Variants in EML5 observed in about 807,000 individuals in gnomAD.
EML5 encodes EMAP like 5.
A neutral mutation model predicts 250.0 loss-of-function variants in EML5; 120 were observed. The observed-to-expected ratio is 0.48, with a 90% CI of 0.41 to 0.56. The LOEUF (loss-of-function observed/expected upper bound fraction) is 0.56. Ranked by LOEUF, EML5 falls within the 20% of genes least tolerant of loss-of-function variation. The pLI, the probability that EML5 is intolerant of heterozygous loss-of-function variation, is 0.00. For missense variants in EML5, 2,006 were observed against 2,437.6 expected (o/e 0.82, Z 3.73); for synonymous variants, 771 against 806.5 (o/e 0.96, Z 0.75).
chr14:88,739,420 C>G (rs960264452), intron 5 of EML5, among the ~76,000 whole-genome samples: 28 of 151,856 alleles, frequency 1.8e-4, no homozygotes, highest in East Asian at 1.5e-3. Context: ...CCAATCCCCC[C>G]CAAAATATCA....
intron 28 of EML5, among the ~76,000 whole-genome samples, chr14:88,648,690 A>T (rs117420114): frequency 0.012 from 1,821 of 151,774 alleles, 9 homozygotes; most frequent in Middle Eastern, 0.02. Context: ...TGGCCTCCCA[A>T]CCTCCCTTCC....
chr14:88,783,584 G>C lies in EML5; in HGVS notation c.197+8723C>G, dbSNP rs190142973. Among the ~76,000 whole-genome samples the C allele has an allele frequency of 1.2e-4, 18 of 152,302 alleles. 1 individual carries two copies. Among genetic ancestry groups the C allele is most frequent in the African/African-American group, 4.3e-4 (18 of 41,572 alleles). ...ACAAGTGACAAAGTCACCGTATAAT[G>C]ACAAAGGGGTCAATTCAGCAAGAAG... is the stretch of plus-strand genomic sequence containing the variant. On this transcript the variant is annotated intron_variant, in intron 1 of 43. Coordinates refer to ENST00000554922, the MANE Select transcript of EML5 (RefSeq NM_183387.3).
intron 17 of EML5, among the ~76,000 whole-genome samples, chr14:88,691,185 G>C (rs575348203): frequency 6.6e-4 from 100 of 152,226 alleles, no homozygotes; most frequent in African/African-American, 1.7e-3. Context: ...AGGAACAGAA[G>C]GACACACTAG....
Position 88,658,271 on chromosome 14 carries a change from C to T in EML5, c.3793G>A (p.Val1265Met). The T allele has an allele frequency of 6.2e-7, 1 of 1,613,772 alleles. No homozygotes were observed. The change falls in exon 26 of 44, where the codon GTG becomes ATG. Residue 1265 changes from valine (V) to methionine (M), a missense_variant. Physicochemically the swap from Val to Met is conservative, Grantham distance 21 (BLOSUM62 1). Around this residue, in one of 7 missense-constraint regions of EML5, gnomAD observed 1,375 missense variants for 1,590.3 expected, o/e 0.86. Coordinates refer to ENST00000554922, the MANE Select transcript of EML5 (RefSeq NM_183387.3). Reference protein sequence around the residue: ...TLGGTDMSLMVWTNEMEGYRE... With the variant: ...TLGGTDMSLMMWTNEMEGYRE... ...TAGCCTTCCATCTCATTTGTCCACA[C>T]CATTAAAGACATATCTGTACCGCCT...
chr14:88,785,974 C>T (rs1280728952), intron 1 of EML5, among the ~76,000 whole-genome samples: 1 of 152,182 alleles, frequency 6.6e-6, no homozygotes, highest in African/African-American at 2.4e-5. Flanking sequence ...AATCTGCCCC[C>T]ACCACCATAG....
At chr14:88,732,177 T>C (rs2093770072) in intron 7 of EML5, among the ~76,000 whole-genome samples, 1 of 152,230 alleles carries the variant, frequency 6.6e-6, no homozygotes, top group Non-Finnish European at 1.5e-5. Context: ...TAGGTTTCCT[T>C]CTAGGGTTTT....
intron 3 of EML5, among the ~76,000 whole-genome samples, chr14:88,744,549 A>AT (rs572655053): frequency 4.6e-5 from 7 of 151,956 alleles, no homozygotes; most frequent in Non-Finnish European, 1.0e-4. Context: ...TTTTACAGTA[A>AT]TTTTTTTCAC....
chr14:88,709,051 C>A (rs1217380710), intron 10 of EML5, among the ~76,000 whole-genome samples: 2 of 151,916 alleles, frequency 1.3e-5, no homozygotes, highest in African/African-American at 4.8e-5. Flanking sequence ...TATTTTCACA[C>A]AAGGGTAATA....
chr14:88,687,914 T>A lies in EML5; in HGVS notation c.2742+357A>T, dbSNP rs2092873227. On this transcript the variant is annotated intron_variant, in intron 18 of 43. Coordinates refer to ENST00000554922, the MANE Select transcript of EML5 (RefSeq NM_183387.3). ...AACATAATCTCTACCAAAAAAATTTTTAAAAATTAGATGGGTGTGGGTGGC... is the reference window on the plus strand; with the variant it reads ...AACATAATCTCTACCAAAAAAATTTATAAAAATTAGATGGGTGTGGGTGGC... 2.6e-5 allele frequency among the ~76,000 whole-genome samples: 4 copies of A among 152,178 alleles called. No homozygotes were observed. The South Asian group carries it at 8.3e-4, about 32-fold the overall frequency.
At chr14:88,684,530 C>CATTA (rs1555436663) in intron 20 of EML5, among the ~76,000 whole-genome samples, 1 of 23,654 alleles carries the variant, frequency 4.2e-5, no homozygotes, top group Non-Finnish European at 6.2e-5. Context: ...TTTTAGCATA[C>CATTA]ATTTTTATTT....
intron 1 of EML5, among the ~76,000 whole-genome samples, chr14:88,761,825 C>A (rs1168144879): frequency 3.3e-5 from 5 of 152,240 alleles, no homozygotes; most frequent in Middle Eastern, 3.4e-3. Context: ...GTAAAAGTGT[C>A]CCTATTTCTC....
At chr14:88,636,658 CACAA>C (rs1366702438) in intron 32 of EML5, among the ~76,000 whole-genome samples, 3 of 152,052 alleles carry the variant, frequency 2.0e-5, no homozygotes, top group South Asian at 2.1e-4. Context: ...GAGACTCTGT[CACAA>C]ACAAAGAAAC....
chr14:88,615,951 A>T, intron 43 of EML5, 97 bp from the exon 44 acceptor site: 2 of 1,418,448 alleles, frequency 1.4e-6, no homozygotes, highest in Non-Finnish European at 1.9e-6. Context: ...TTACATGTGT[A>T]ATATTTTTCC....
At chr14:88,678,169 C>T (rs2092638670) in intron 21 of EML5, among the ~76,000 whole-genome samples, 1 of 152,110 alleles carries the variant, frequency 6.6e-6, no homozygotes, top group Non-Finnish European at 1.5e-5. Context: ...AAGCTATTAT[C>T]CTCAGCAAAC....
intron 1 of EML5, among the ~76,000 whole-genome samples, chr14:88,791,302 T>C (rs974555571): frequency 5.3e-5 from 8 of 152,172 alleles, no homozygotes; most frequent in Non-Finnish European, 1.2e-4. Context: ...GGAATAACAT[T>C]TTGTAACCAA....
intron 21 of EML5, among the ~76,000 whole-genome samples, chr14:88,669,524 G>C (rs2092399870): frequency 6.6e-6 from 1 of 152,106 alleles, no homozygotes; most frequent in Admixed American, 6.5e-5. Flanking sequence ...ACCCCTCACT[G>C]TGCGGGGCCT....
At chr14:88,694,783 A>C (rs918644256) in intron 16 of EML5, among the ~76,000 whole-genome samples, 2 of 152,192 alleles carry the variant, frequency 1.3e-5, no homozygotes, top group Non-Finnish European at 2.9e-5. Context: ...TGTTAATTTG[A>C]GCATTATCTA....
At chr14:88,735,619 C>T (rs557499101) in intron 7 of EML5, among the ~76,000 whole-genome samples, 20 of 152,182 alleles carry the variant, frequency 1.3e-4, no homozygotes, top group African/African-American at 4.8e-4. Flanking sequence ...CTATGTAAGG[C>T]CTTATCTATC....
At chr14:88,738,489 T>A (rs951445040) in intron 6 of EML5, among the ~76,000 whole-genome samples, 1 of 152,038 alleles carries the variant, frequency 6.6e-6, no homozygotes, top group Non-Finnish European at 1.5e-5. Context: ...ATTTAAATTA[T>A]CCTGAACAAA....
Sources: gnomAD v4.1 joint callset for allele counts (sites outside exome capture counted in the v4.1 genomes callset) on GRCh38, gnomAD v4.1.1 for gene constraint, gnomAD v4.1.1 regional missense constraint, MANE v1.5 for transcripts, NCBI Gene and HGNC (gene_info 2026-07-23, HGNC 2026-07-21) for gene names.